Variants in ANKS1B observed in about 807,000 individuals in gnomAD.
ANKS1B encodes ankyrin repeat and sterile alpha motif domain containing 1B.
In ANKS1B, 36 loss-of-function variants were observed where a neutral mutation model predicts 148.3. The observed-to-expected ratio is 0.24, with a 90% CI of 0.19 to 0.32. The LOEUF (loss-of-function observed/expected upper bound fraction) is 0.32, where lower values mean the gene tolerates loss of function less well. ANKS1B is among the 10% of genes least tolerant of loss of function. The pLI is 1.00. For missense variants in ANKS1B, 1,157 were observed against 1,542.6 expected (o/e 0.75, Z 4.19); for synonymous variants, 542 against 560.8 (o/e 0.97, Z 0.47).
chr12:99,690,272 C>A (rs1244765218), intron 8 of ANKS1B, among the ~76,000 whole-genome samples: 1 of 152,104 alleles, frequency 6.6e-6, no homozygotes, highest in Non-Finnish European at 1.5e-5. Flanking sequence ...TGGATGGGGA[C>A]ACAGAGGCAA....
intron 10 of ANKS1B, among the ~76,000 whole-genome samples, chr12:99,475,403 G>GA (rs980681522): frequency 7.3e-5 from 11 of 151,170 alleles, no homozygotes; most frequent in Non-Finnish European, 1.2e-4. Context: ...ATGGAAATGG[G>GA]AAAAAAAATT....
chr12:99,887,880 C>G (rs2092909716), intron 1 of ANKS1B, among the ~76,000 whole-genome samples: 1 of 152,196 alleles, frequency 6.6e-6, no homozygotes, highest in African/African-American at 2.4e-5. Flanking sequence ...TTAACACAAC[C>G]TCCATGACCA....
At chr12:99,675,897 A>T (rs973941818) in intron 8 of ANKS1B, among the ~76,000 whole-genome samples, 4 of 152,174 alleles carry the variant, frequency 2.6e-5, no homozygotes, top group African/African-American at 9.7e-5. Flanking sequence ...TAAGAAATAA[A>T]ATGCACAGCA....
chr12:98,807,348 C>A lies in ANKS1B; in HGVS notation c.3141+496G>T, dbSNP rs555532685. Among the ~76,000 whole-genome samples, 12 of 152,210 alleles carry A rather than the reference C, an allele frequency of 7.9e-5. 1 individual carries two copies. Among genetic ancestry groups the A allele is most frequent in the East Asian group, 7.7e-4 (4 of 5,172 alleles). ...GTGCCTCTCCCAGCTCACCTCCCCC[C>A]ACATTTGCATAAAATGTATACAGAA... is the stretch of plus-strand genomic sequence containing the variant. On this transcript the variant is annotated intron_variant, in intron 20 of 26. Coordinates refer to ENST00000683438, the MANE Select transcript of ANKS1B (RefSeq NM_001352186.2).
chr12:99,008,249 A>C (rs1269714606), intron 17 of ANKS1B, among the ~76,000 whole-genome samples: 2 of 152,108 alleles, frequency 1.3e-5, no homozygotes, highest in Non-Finnish European at 2.9e-5. Flanking sequence ...CTTTGGGGAT[A>C]AGAAAGCATC....
At chr12:99,317,856 TGA>T (rs2084437262) in intron 12 of ANKS1B, among the ~76,000 whole-genome samples, 1 of 152,168 alleles carries the variant, frequency 6.6e-6, no homozygotes, top group Admixed American at 6.5e-5. Flanking sequence ...CCTAGTTTAT[TGA>T]GAGTTTTTAG....
intron 15 of ANKS1B, among the ~76,000 whole-genome samples, chr12:99,142,215 G>A (rs2071096457): frequency 6.6e-6 from 1 of 150,500 alleles, no homozygotes; most frequent in African/African-American, 2.4e-5. Flanking sequence ...AAAAAGAGTT[G>A]TCATAAAAAA....
intron 9 of ANKS1B, among the ~76,000 whole-genome samples, chr12:99,589,178 T>C (rs558680614): frequency 2.4e-4 from 37 of 152,264 alleles, no homozygotes; most frequent in Admixed American, 3.9e-4. Flanking sequence ...GAACCAGAAA[T>C]GTATATGGAT....
chr12:98,969,120 T>C (rs2099881055), intron 17 of ANKS1B, among the ~76,000 whole-genome samples: 1 of 152,188 alleles, frequency 6.6e-6, no homozygotes, highest in African/African-American at 2.4e-5. Flanking sequence ...AGCTGCCGCC[T>C]GGATGGGGAA....
chr12:99,656,766 G>A (rs777277898), intron 8 of ANKS1B, among the ~76,000 whole-genome samples: 4 of 151,954 alleles, frequency 2.6e-5, no homozygotes, highest in Non-Finnish European at 5.9e-5. Context: ...AAAAAAAGAT[G>A]TATATGCATA....
chr12:99,119,977 C>A (rs567933365), intron 15 of ANKS1B, among the ~76,000 whole-genome samples: 1 of 152,098 alleles, frequency 6.6e-6, no homozygotes, highest in Non-Finnish European at 1.5e-5. Context: ...TAAATGGGAG[C>A]TATACATACA....
intron 12 of ANKS1B, among the ~76,000 whole-genome samples, chr12:99,256,158 G>A (rs2075239261): frequency 1.3e-5 from 2 of 151,592 alleles, no homozygotes. Context: ...GTTGAAGCAG[G>A]AGAATCGCTT....
chr12:99,182,208 C>T (rs1267356880), intron 14 of ANKS1B, among the ~76,000 whole-genome samples: 1 of 152,136 alleles, frequency 6.6e-6, no homozygotes. Context: ...CTTGTGAGAA[C>T]TTGCTATCAT....
chr12:99,570,402 C>G (rs551996666), intron 9 of ANKS1B, among the ~76,000 whole-genome samples: 2 of 151,736 alleles, frequency 1.3e-5, no homozygotes, highest in Non-Finnish European at 2.9e-5. Flanking sequence ...AATCCCAGCA[C>G]TTTGGGAGGC....
At chr12:99,805,261 GGC>G (rs2067448493) in intron 4 of ANKS1B, among the ~76,000 whole-genome samples, 1 of 6,118 alleles carries the variant, frequency 1.6e-4, no homozygotes, top group Non-Finnish European at 3.0e-4. Context: ...AGGAGGAAAA[GGC>G]AAAAAAAAAA....
At chr12:99,484,764 G>GTTTTT (rs565634931) in intron 10 of ANKS1B, among the ~76,000 whole-genome samples, 145 of 63,718 alleles carry the variant, frequency 2.3e-3, no homozygotes, top group African/African-American at 9.8e-3. Context: ...GTGTGTGTGT[G>GTTTTT]TTTTTTTTTT....
chr12:98,827,897 T>A, intron 19 of ANKS1B, among the ~76,000 whole-genome samples: 1 of 152,084 alleles, frequency 6.6e-6, no homozygotes, highest in Non-Finnish European at 1.5e-5. Flanking sequence ...ATTAGAGAAA[T>A]TTAACCACAT....
chr12:99,698,617 A>G (rs1010433371), intron 8 of ANKS1B, among the ~76,000 whole-genome samples: 8 of 152,212 alleles, frequency 5.3e-5, no homozygotes, highest in African/African-American at 1.9e-4. Flanking sequence ...TCCCGAAGCA[A>G]TAACACTCTA....
chr12:98,754,261 G>A (rs2098174602), intron 25 of ANKS1B, among the ~76,000 whole-genome samples: 1 of 152,142 alleles, frequency 6.6e-6, no homozygotes, highest in Non-Finnish European at 1.5e-5. Flanking sequence ...AATTAGTAAC[G>A]CACCAGCAAA....
Sources: allele counts gnomAD v4.1 joint callset (sites outside exome capture counted in the v4.1 genomes callset), GRCh38; gene constraint gnomAD v4.1.1; transcripts MANE v1.5; gene names NCBI Gene and HGNC (gene_info 2026-07-23, HGNC 2026-07-21).